Variants in NCAM2 observed in about 807,000 individuals in gnomAD.
NCAM2 encodes the protein neural cell adhesion molecule 2.
NCAM2 carries 30 observed loss-of-function variants against 98.1 expected under a neutral mutation model. The observed-to-expected ratio is 0.31, with a 90% confidence interval of 0.23 to 0.41. NCAM2 has a LOEUF of 0.41. Ranked by LOEUF, NCAM2 falls within the 10% of genes least tolerant of loss-of-function variation. NCAM2 has a pLI of 1.00. For synonymous variants in NCAM2, 368 were observed against 342.4 expected, an observed-to-expected ratio of 1.07 and a Z score of -0.83; for missense variants, 867 against 1,005.8, an observed-to-expected ratio of 0.86 and a Z score of 1.87.
At chr21:21,067,260 G>A (rs1229343989) in intron 1 of NCAM2, among the ~76,000 whole-genome samples, 1 of 151,868 alleles carries the variant, frequency 6.6e-6, no homozygotes, top group Non-Finnish European at 1.5e-5. Flanking sequence ...AATTAAAAAT[G>A]CGTTACTAAA....
chr21:21,026,550 A>AG (rs2064549356), intron 1 of NCAM2, among the ~76,000 whole-genome samples: 1 of 151,756 alleles, frequency 6.6e-6, no homozygotes, highest in South Asian at 2.1e-4. Context: ...GCTTGAACTC[A>AG]GGAGGCGGAG....
chr21:21,184,027 A>C (rs995340676), intron 1 of NCAM2, among the ~76,000 whole-genome samples: 2 of 152,094 alleles, frequency 1.3e-5, no homozygotes, highest in Admixed American at 6.6e-5. Flanking sequence ...TTAGGTATTA[A>C]AATGGCAAAG....
At chr21:21,389,254 G>A (rs947433767) in intron 9 of NCAM2, among the ~76,000 whole-genome samples, 4 of 152,088 alleles carry the variant, frequency 2.6e-5, no homozygotes, top group Non-Finnish European at 4.4e-5. Flanking sequence ...GTGTGTGCAC[G>A]GGAATTCCCT....
chr21:21,486,296 T>A, intron 15 of NCAM2, among the ~76,000 whole-genome samples: 1 of 85,382 alleles, frequency 1.2e-5, no homozygotes. Context: ...AGAGCGAGAC[T>A]CCGTCTCAAA....
intron 1 of NCAM2, among the ~76,000 whole-genome samples, chr21:21,233,274 A>G (rs1178548726): frequency 6.6e-6 from 1 of 151,620 alleles, no homozygotes; most frequent in East Asian, 1.9e-4. Context: ...TCCTACTGCT[A>G]GCAGCATTAA....
At chr21:21,485,817 A>G (rs1385051891) in intron 15 of NCAM2, among the ~76,000 whole-genome samples, 4 of 152,182 alleles carry the variant, frequency 2.6e-5, no homozygotes, top group Non-Finnish European at 4.4e-5. Context: ...ATTTTGTTGA[A>G]CAGAAATATT....
intron 8 of NCAM2, among the ~76,000 whole-genome samples, chr21:21,353,045 G>C (rs532949150): frequency 1.3e-5 from 2 of 151,598 alleles, no homozygotes; most frequent in African/African-American, 4.8e-5. Flanking sequence ...GTAGAGATGG[G>C]GTTTCACCAT....
chr21:21,052,840 A>G (rs1044713730), intron 1 of NCAM2, among the ~76,000 whole-genome samples: 1 of 152,350 alleles, frequency 6.6e-6, no homozygotes, highest in South Asian at 2.1e-4. Context: ...ATAGAAGTAG[A>G]TAATATTCAA....
At chr21:21,261,496 T>G (rs1169632156) in intron 1 of NCAM2, among the ~76,000 whole-genome samples, 1 of 152,104 alleles carries the variant, frequency 6.6e-6, no homozygotes, top group East Asian at 1.9e-4. Flanking sequence ...ATGCCAAATA[T>G]TTTGTCGGAC....
At chr21:21,223,960 G>A (rs2070276071) in intron 1 of NCAM2, among the ~76,000 whole-genome samples, 1 of 152,122 alleles carries the variant, frequency 6.6e-6, no homozygotes, top group South Asian at 2.1e-4. Flanking sequence ...CCATATGAAA[G>A]AGAAAGCAAT....
chr21:21,326,873 G>GT (rs35882275), intron 6 of NCAM2, among the ~76,000 whole-genome samples: 152,218 of 152,272 alleles, frequency 1, 76,082 homozygotes, highest in Middle Eastern at 1. Context: ...CCTTGTATCT[G>GT]ACATATAGAC....
chr21:21,452,927 T>G (rs1396554853), intron 12 of NCAM2, among the ~76,000 whole-genome samples: 5 of 99,080 alleles, frequency 5.0e-5, no homozygotes, highest in Non-Finnish European at 8.9e-5. Context: ...ATATATTATA[T>G]AATATATATA....
At chr21:21,051,153 G>A (rs1449989700) in intron 1 of NCAM2, among the ~76,000 whole-genome samples, 2 of 152,122 alleles carry the variant, frequency 1.3e-5, no homozygotes, top group Non-Finnish European at 2.9e-5. Flanking sequence ...CCATGTCCGA[G>A]GTAATATCCT....
chr21:21,415,890 C>G (rs1384415931), intron 10 of NCAM2, among the ~76,000 whole-genome samples: 1 of 152,162 alleles, frequency 6.6e-6, no homozygotes, highest in African/African-American at 2.4e-5. Context: ...TCCAGGCCAA[C>G]AAAATATTTC....
rs577121376 is a variant in NCAM2 at position 21,538,451 on chromosome 21, T to G, written c.*494T>G. ...GGTTACTCATTTTATCAGGGGAATT[T>G]CAGGGAACGTAGGCGTCAAAGAGCC... On this transcript the variant is annotated 3_prime_UTR_variant, in exon 18 of 18. Coordinates refer to ENST00000400546, the MANE Select transcript of NCAM2 (RefSeq NM_004540.5). The G allele has an allele frequency of 6.5e-6, 1 of 152,692 alleles. No individual in the cohort carries two copies. Among genetic ancestry groups the G allele is most frequent in the East Asian group, 1.9e-4 (1 of 5,178 alleles). The allele number at this position is 152,692 out of a possible 1,614,324, so 9.5% of individuals were successfully genotyped here. A position where few individuals can be genotyped will look rare whatever the true frequency, so the allele number is the denominator to read the frequency against.
intron 1 of NCAM2, among the ~76,000 whole-genome samples, chr21:21,029,679 G>A (rs2064632257): frequency 6.6e-6 from 1 of 151,928 alleles, no homozygotes; most frequent in African/African-American, 2.4e-5. Flanking sequence ...TTGCCAGGCT[G>A]GAGTACAGTG....
At chr21:21,249,772 C>T (rs1409925254) in intron 1 of NCAM2, among the ~76,000 whole-genome samples, 1 of 152,122 alleles carries the variant, frequency 6.6e-6, no homozygotes, top group Non-Finnish European at 1.5e-5. Flanking sequence ...GATGAAAAAA[C>T]AGTTGTTAAA....
chr21:21,189,650 A>G (rs999227952), intron 1 of NCAM2, among the ~76,000 whole-genome samples: 2 of 152,230 alleles, frequency 1.3e-5, no homozygotes, highest in African/African-American at 2.4e-5. Context: ...CAAGATTGAC[A>G]TTTTCAAAAG....
At chr21:21,404,660 GTATATACCGTA>G (rs1277705859) in intron 9 of NCAM2, among the ~76,000 whole-genome samples, 1 of 151,686 alleles carries the variant, frequency 6.6e-6, no homozygotes, top group Admixed American at 6.6e-5. Context: ...GTATGTATGT[GTATATACCGTA>G]TATCAATATA....
Sources: gnomAD v4.1 joint callset for allele counts (sites outside exome capture counted in the v4.1 genomes callset) on GRCh38, gnomAD v4.1.1 for gene constraint, MANE v1.5 for transcripts, NCBI Gene and HGNC (gene_info 2026-07-23, HGNC 2026-07-21) for gene names.